The following KDM4C variants were observed in gnomAD, a reference collection of about 807,000 sequenced individuals.
The protein encoded by KDM4C is lysine demethylase 4C.
Under a neutral mutation model 129.3 loss-of-function variants are expected in KDM4C, and 81 were observed. That is an observed-to-expected ratio of 0.63 (90% CI 0.52 to 0.75). The LOEUF is 0.75. Ranked by LOEUF, KDM4C falls within the 30% of genes least tolerant of loss-of-function variation. The pLI is 0.00. For synonymous variants in KDM4C, 573 were observed against 456.1 expected (o/e 1.26, Z -3.26); for missense variants, 1,457 against 1,304.0 (o/e 1.12, Z -1.81).
intron 1 of KDM4C, among the ~76,000 whole-genome samples, chr9:6,791,476 C>T (rs1411844427): frequency 6.6e-6 from 1 of 152,162 alleles, no homozygotes; most frequent in Non-Finnish European, 1.5e-5. Flanking sequence ...AGACCTCATC[C>T]CTTTCTGTCT....
intron 18 of KDM4C, among the ~76,000 whole-genome samples, chr9:7,127,440 A>G (rs1334970225): frequency 1.3e-5 from 2 of 152,220 alleles, no homozygotes; most frequent in Non-Finnish European, 2.9e-5. Context: ...CCAAAAATGT[A>G]TAACCTGAAT....
chr9:7,008,017 T>C (rs1219774380), intron 12 of KDM4C, among the ~76,000 whole-genome samples: 1 of 152,038 alleles, frequency 6.6e-6, no homozygotes, highest in Non-Finnish European at 1.5e-5. Context: ...AGGAACCAGA[T>C]GAGAGATGAT....
At chr9:6,826,461 T>C (rs1833887874) in intron 4 of KDM4C, among the ~76,000 whole-genome samples, 1 of 152,152 alleles carries the variant, frequency 6.6e-6, no homozygotes, top group African/African-American at 2.4e-5. Context: ...CATAATTGCA[T>C]ATAAAAAAAA....
At position 6,727,615 on chromosome 9, in the gene KDM4C, T is replaced by C. The variant is rs1332156864; in HGVS notation, c.49+6618T>C. The stretch of plus-strand genomic sequence containing the variant: ...ACTAAAATAAAAAAAAAACTTGTAC[T>C]AGTGTTGTAACTTTCCAAGTAAAAG... On this transcript the variant is annotated intron_variant, in intron 1 of 17. Coordinates refer to the KDM4C transcript ENST00000536108. 2.1e-4 allele frequency among the ~76,000 whole-genome samples: 10 copies of C among 47,932 alleles called. 3 individuals carry two copies. The highest frequency in any genetic ancestry group is 1.0e-3 in the African/African-American group (10 of 10,008). 31.4% of individuals were successfully genotyped at this position (47,932 alleles called of 152,430 possible). A position where few individuals can be genotyped will look rare whatever the true frequency, so the allele number is the denominator to read the frequency against.
chr9:7,039,773 T>C (rs1828244548), intron 15 of KDM4C, among the ~76,000 whole-genome samples: 1 of 152,068 alleles, frequency 6.6e-6, no homozygotes, highest in African/African-American at 2.4e-5. Context: ...TCTTCATCCT[T>C]GTTATCTTCA....
chr9:6,949,648 G>T (rs368503543), intron 8 of KDM4C, among the ~76,000 whole-genome samples: 1 of 152,178 alleles, frequency 6.6e-6, no homozygotes, highest in South Asian at 2.1e-4. Flanking sequence ...AGACCAGCCC[G>T]GCCAACACAG....
intron 4 of KDM4C, chr9:6,834,330 C>G: frequency 3.4e-6 from 1 of 295,548 alleles, no homozygotes; most frequent in South Asian, 3.3e-5. Flanking sequence ...GCCACCCCAT[C>G]TGGCCGATAG....
At chr9:7,139,189 C>G (rs1169189413) in intron 19 of KDM4C, among the ~76,000 whole-genome samples, 1 of 152,096 alleles carries the variant, frequency 6.6e-6, no homozygotes, top group Non-Finnish European at 1.5e-5. Context: ...GTGGGAGGAT[C>G]ACTTGAGCCT....
chr9:6,837,197 A>G (rs1354263940), intron 4 of KDM4C, among the ~76,000 whole-genome samples: 2 of 152,106 alleles, frequency 1.3e-5, no homozygotes, highest in Admixed American at 6.5e-5. Context: ...AGCAGGGACC[A>G]CAAGCTTGCA....
At chr9:7,003,230 C>T (rs1821057544) in intron 12 of KDM4C, among the ~76,000 whole-genome samples, 1 of 152,158 alleles carries the variant, frequency 6.6e-6, no homozygotes, top group African/African-American at 2.4e-5. Context: ...TTGAAGTGGA[C>T]ACATATAAAT....
intron 5 of KDM4C, among the ~76,000 whole-genome samples, chr9:6,861,145 A>T (rs1454109726): frequency 6.6e-6 from 1 of 152,160 alleles, no homozygotes; most frequent in African/African-American, 2.4e-5. Context: ...TTGAACCAAC[A>T]TTGGTCTTTT....
intron 4 of KDM4C, among the ~76,000 whole-genome samples, chr9:6,841,192 T>A (rs1015148297): frequency 1.3e-5 from 2 of 152,040 alleles, no homozygotes; most frequent in Admixed American, 1.3e-4. Flanking sequence ...CTGTGAATTC[T>A]TGAATTTCAA....
At chr9:7,040,645 G>T (rs962854447) in intron 15 of KDM4C, among the ~76,000 whole-genome samples, 3 of 151,590 alleles carry the variant, frequency 2.0e-5, no homozygotes, top group Non-Finnish European at 4.4e-5. Flanking sequence ...TTTTTAAAAG[G>T]TTGTTTTCTT....
At chr9:6,952,431 A>T (rs889544813) in intron 8 of KDM4C, among the ~76,000 whole-genome samples, 4 of 138,384 alleles carry the variant, frequency 2.9e-5, no homozygotes, top group Admixed American at 7.0e-5. Flanking sequence ...ATATATATAT[A>T]ATAATAATTA....
intron 1 of KDM4C, among the ~76,000 whole-genome samples, chr9:6,767,382 C>A (rs1245911902): frequency 1.3e-5 from 2 of 151,902 alleles, no homozygotes; most frequent in Non-Finnish European, 1.5e-5. Context: ...ACCTTGTGAT[C>A]CGCCTGCCTC....
At chr9:6,814,200 T>A (rs1490259043) in intron 3 of KDM4C, among the ~76,000 whole-genome samples, 1 of 152,216 alleles carries the variant, frequency 6.6e-6, no homozygotes, top group Non-Finnish European at 1.5e-5. Context: ...ATATAATAAC[T>A]GCAAAATATC....
intron 12 of KDM4C, among the ~76,000 whole-genome samples, chr9:7,010,177 C>G (rs1822433164): frequency 6.6e-6 from 1 of 152,066 alleles, no homozygotes. Flanking sequence ...ATGGTGAGGC[C>G]AAGTGCTGCG....
intron 6 of KDM4C, among the ~76,000 whole-genome samples, chr9:6,886,083 C>T (rs975299293): frequency 3.3e-5 from 5 of 152,132 alleles, no homozygotes; most frequent in African/African-American, 1.2e-4. Flanking sequence ...TAAAAACGTT[C>T]CCATGGATTG....
intron 18 of KDM4C, among the ~76,000 whole-genome samples, chr9:7,126,796 C>CTGG (rs1227664992): frequency 6.6e-6 from 1 of 151,798 alleles, no homozygotes; most frequent in East Asian, 1.9e-4. Flanking sequence ...AATTTCAGGA[C>CTGG]TGGTGCAAGA....
Sources: gnomAD v4.1 joint callset for allele counts (sites outside exome capture counted in the v4.1 genomes callset) on GRCh38, gnomAD v4.1.1 for gene constraint, MANE v1.5 for transcripts, NCBI Gene and HGNC (gene_info 2026-07-23, HGNC 2026-07-21) for gene names.